The following MRPS28 variants were observed in gnomAD, a reference collection of about 807,000 sequenced individuals.
MRPS28 encodes the protein mitochondrial ribosomal protein S28.
MRPS28 carries 7 observed loss-of-function variants against 10.8 expected under a neutral mutation model. The observed-to-expected ratio is 0.65, with a 90% CI of 0.37 to 1.22. The LOEUF is 1.22. MRPS28 is among the 50% of genes most tolerant of loss of function. The pLI is 0.02. For synonymous variants in MRPS28, 121 were observed against 93.3 expected (o/e 1.30, Z -1.71); for missense variants, 265 against 232.9 (o/e 1.14, Z -0.90).
intron 2 of MRPS28, among the ~76,000 whole-genome samples, chr8:79,995,862 T>C (rs935036938): frequency 3.3e-5 from 5 of 152,104 alleles, no homozygotes; most frequent in African/African-American, 9.7e-5. Context: ...CTCCCAAGTA[T>C]AGGCATACTG....
intron 2 of MRPS28, among the ~76,000 whole-genome samples, chr8:79,983,110 G>A (rs1316030364): frequency 6.6e-6 from 1 of 152,066 alleles, no homozygotes; most frequent in Non-Finnish European, 1.5e-5. Context: ...AGCATTCACG[G>A]TTCAAGAAAA....
intron 2 of MRPS28, among the ~76,000 whole-genome samples, chr8:79,941,146 A>T (rs1041936823): frequency 1.3e-5 from 2 of 152,110 alleles, no homozygotes; most frequent in Non-Finnish European, 2.9e-5. Context: ...TAAATACATA[A>T]ATAAAAATTA....
At chr8:79,991,957 T>G (rs1400142264) in intron 2 of MRPS28, among the ~76,000 whole-genome samples, 1 of 118,966 alleles carries the variant, frequency 8.4e-6, no homozygotes, top group Non-Finnish European at 1.8e-5. Flanking sequence ...TCTCTCTCTC[T>G]CTCATCACTT....
intron 2 of MRPS28, among the ~76,000 whole-genome samples, chr8:79,981,187 G>A (rs1379268256): frequency 6.6e-6 from 1 of 152,042 alleles, no homozygotes. Context: ...AAAATTTGCT[G>A]GGCATGGTGG....
chr8:80,003,872 C>G (rs376547770), intron 1 of MRPS28, among the ~76,000 whole-genome samples: 67 of 152,328 alleles, frequency 4.4e-4, no homozygotes, highest in African/African-American at 1.5e-3. Flanking sequence ...CCCATGCCCA[C>G]GGAGCCTCGC....
intron 2 of MRPS28, among the ~76,000 whole-genome samples, chr8:79,973,140 A>G (rs1807680483): frequency 6.6e-6 from 1 of 152,240 alleles, no homozygotes; most frequent in African/African-American, 2.4e-5. Context: ...TATGATAAGC[A>G]ATTTGGGGAA....
chr8:79,954,536 T>C (rs1807156265), intron 2 of MRPS28, among the ~76,000 whole-genome samples: 1 of 152,182 alleles, frequency 6.6e-6, no homozygotes, highest in South Asian at 2.1e-4. Context: ...GGTTCTATCC[T>C]CTGAACTAAC....
chr8:79,987,787 G>T (rs1202942026), intron 2 of MRPS28, among the ~76,000 whole-genome samples: 3 of 152,200 alleles, frequency 2.0e-5, no homozygotes, highest in Non-Finnish European at 4.4e-5. Context: ...ACAGGTGCTG[G>T]AGAGGATGTG....
intron 1 of MRPS28, among the ~76,000 whole-genome samples, chr8:80,011,760 A>G (rs1809057747): frequency 6.6e-6 from 1 of 152,024 alleles, no homozygotes; most frequent in Non-Finnish European, 1.5e-5. Context: ...AAAAAAAACA[A>G]CAAAAAACAA....
rs1229631925 is a variant in MRPS28, at chr8:79,949,408, C to T, written c.396-30260G>A. Among the ~76,000 whole-genome samples, 32 of 146,308 alleles carry T rather than the reference C, an allele frequency of 2.2e-4. No individual in the cohort carries two copies. The East Asian group carries it at 5.0e-3, about 23-fold the overall frequency. ...CAGCCTGGGCGACAGAGTGAGACTC[C>T]GTCTCAAAAAAAAAAAAAAACAACA... On this transcript the variant is annotated intron_variant, in intron 2 of 2. Transcript: ENST00000276585.
At chr8:79,983,160 A>G (rs1808024952) in intron 2 of MRPS28, among the ~76,000 whole-genome samples, 2 of 152,178 alleles carry the variant, frequency 1.3e-5, no homozygotes, top group South Asian at 4.1e-4. Context: ...ACCCAGGCAA[A>G]CAGGGTCTGG....
chr8:79,982,616 T>C (rs565500858), intron 2 of MRPS28, among the ~76,000 whole-genome samples: 1 of 152,314 alleles, frequency 6.6e-6, no homozygotes, highest in South Asian at 2.1e-4. Flanking sequence ...GATTATATCC[T>C]GCACCTGGCT....
chr8:79,976,170 G>A (rs1022733124), intron 2 of MRPS28, among the ~76,000 whole-genome samples: 1 of 151,488 alleles, frequency 6.6e-6, no homozygotes, highest in Non-Finnish European at 1.5e-5. Context: ...TGCAACCTCT[G>A]CCTCCCGGGT....
In MRPS28 at chr8:79,953,207, C is replaced by A. The variant is rs903926452; in HGVS notation, c.396-34059G>T. On this transcript the variant is annotated intron_variant, in intron 2 of 2. Transcript: ENST00000276585. ...TCTCTCTTTTTTAAAAAATACAATG[C>A]CACTCCAGTTGCGTATTCCATGACA... is the stretch of plus-strand genomic sequence containing the variant. Among the ~76,000 whole-genome samples, 5 of 152,150 alleles carry A rather than the reference C, an allele frequency of 3.3e-5. 1 individual carries two copies. The highest frequency in any genetic ancestry group is 3.3e-4 in the Admixed American group (5 of 15,258).
chr8:79,972,085 C>T (rs1271890047), intron 2 of MRPS28, among the ~76,000 whole-genome samples: 1 of 152,100 alleles, frequency 6.6e-6, no homozygotes, highest in Non-Finnish European at 1.5e-5. Flanking sequence ...TCCACATCTG[C>T]AATTTCTACA....
chr8:80,022,165 A>C (rs1027657711), intron 1 of MRPS28, among the ~76,000 whole-genome samples: 2 of 151,568 alleles, frequency 1.3e-5, no homozygotes, highest in African/African-American at 2.4e-5. Context: ...CATTTCAAAA[A>C]TGTTGTATAA....
chr8:79,968,899 A>G (rs1341181342), intron 2 of MRPS28, among the ~76,000 whole-genome samples: 2 of 152,156 alleles, frequency 1.3e-5, no homozygotes, highest in Non-Finnish European at 2.9e-5. Context: ...GATAATTTCT[A>G]ATAAGTCAGT....
At chr8:79,929,616 C>A (rs1293977191) in intron 2 of MRPS28, among the ~76,000 whole-genome samples, 1 of 151,476 alleles carries the variant, frequency 6.6e-6, no homozygotes, top group Non-Finnish European at 1.5e-5. Flanking sequence ...ATGCCCCCAC[C>A]CCCCCAAAAG....
intron 2 of MRPS28, among the ~76,000 whole-genome samples, chr8:79,927,651 C>T (rs537318540): frequency 3.9e-5 from 6 of 152,198 alleles, no homozygotes; most frequent in Middle Eastern, 3.2e-3. Context: ...CCCCTCTCCT[C>T]TCCTCTCAAC....
Sources: allele counts gnomAD v4.1 joint callset (sites outside exome capture counted in the v4.1 genomes callset), GRCh38; gene constraint gnomAD v4.1.1; transcripts MANE v1.5; gene names NCBI Gene and HGNC (gene_info 2026-07-23, HGNC 2026-07-21).